PRKRIP1: variants seen among roughly 807,000 people sequenced by gnomAD.
PRKRIP1 encodes the protein PRKR-interacting protein 1.
Under a neutral mutation model 29.3 loss-of-function variants are expected in PRKRIP1, and 29 were observed. The observed-to-expected ratio is 0.99, with a 90% confidence interval of 0.74 to 1.35. The LOEUF (loss-of-function observed/expected upper bound fraction) is 1.35, where lower values mean the gene tolerates loss of function less well. Among genes scored for constraint, PRKRIP1 ranks in the 40% most tolerant of loss-of-function variants. The pLI is 0.00. For synonymous variants in PRKRIP1, 90 were observed against 85.1 expected (o/e 1.06, Z -0.32); for missense variants, 247 against 236.8 (o/e 1.04, Z -0.28).
At chr7:102,417,711 G>A (rs561264728) in intron 5 of PRKRIP1, among the ~76,000 whole-genome samples, 15 of 147,586 alleles carry the variant, frequency 1.0e-4, no homozygotes, top group Admixed American at 6.9e-4. Flanking sequence ...CTCAAACTCC[G>A]GGCTCAAACA....
intron 5 of PRKRIP1, among the ~76,000 whole-genome samples, chr7:102,420,210 A>G (rs1472432406): frequency 1.3e-5 from 2 of 152,268 alleles, no homozygotes; most frequent in South Asian, 2.1e-4. Context: ...TTGTGTGCAC[A>G]TAAGTTTCAC....
chr7:102,398,263 G>A (rs1447629401), intron 2 of PRKRIP1, among the ~76,000 whole-genome samples: 3 of 151,230 alleles, frequency 2.0e-5, no homozygotes, highest in Non-Finnish European at 4.4e-5. Flanking sequence ...GCAGTATTGC[G>A]GTTTTTTTTG....
chr7:102,415,873 G>A (rs1287688806), intron 5 of PRKRIP1, among the ~76,000 whole-genome samples: 9 of 152,236 alleles, frequency 5.9e-5, no homozygotes, highest in African/African-American at 2.2e-4. Flanking sequence ...GGCCCTCACG[G>A]TCTGGCCCCT....
In PRKRIP1 at chr7:102,425,342, G is replaced by A. The variant is rs1796805434; in HGVS notation, c.*231G>A. 5.2e-6 allele frequency: 4 copies of A among 763,026 alleles called. No homozygotes were observed. The highest frequency in any genetic ancestry group is 3.1e-5 in the Admixed American group (1 of 32,696). The allele number at this position is 763,026 out of a possible 1,614,324, so 47.3% of individuals were successfully genotyped here. A position where few individuals can be genotyped will look rare whatever the true frequency, so the allele number is the denominator to read the frequency against. ...CTTGCAGACACCATCCGTGCTCCTG[G>A]TAAAGGGGGACAGAGAGCCTCACCT... On this transcript the variant is annotated 3_prime_UTR_variant, in exon 6 of 6. Transcript: ENST00000397912.
chr7:102,401,559 C>A (rs1007687224), intron 3 of PRKRIP1, among the ~76,000 whole-genome samples: 2 of 152,082 alleles, frequency 1.3e-5, no homozygotes, highest in African/African-American at 4.8e-5. Flanking sequence ...CATGGTGAGA[C>A]CCCATCTCTA....
intron 1 of PRKRIP1, among the ~76,000 whole-genome samples, chr7:102,396,894 A>G (rs1586670589): frequency 1.3e-5 from 2 of 152,314 alleles, no homozygotes; most frequent in East Asian, 1.9e-4. Context: ...TTAGAGAGAC[A>G]GTGGCCGAGA....
At chr7:102,424,800 G>A (rs1796791305) in intron 5 of PRKRIP1, among the ~76,000 whole-genome samples, 1 of 152,148 alleles carries the variant, frequency 6.6e-6, no homozygotes, top group Non-Finnish European at 1.5e-5. Context: ...AAGATGGGGT[G>A]CACCCGTGAG....
At chr7:102,401,059 A>AAAAC (rs782133359) in intron 3 of PRKRIP1, among the ~76,000 whole-genome samples, 1 of 152,210 alleles carries the variant, frequency 6.6e-6, no homozygotes, top group Non-Finnish European at 1.5e-5. Flanking sequence ...GAAATGCACC[A>AAAAC]AAACAAACAA....
chr7:102,400,427 T>G (rs1796034768), intron 3 of PRKRIP1, among the ~76,000 whole-genome samples: 1 of 152,050 alleles, frequency 6.6e-6, no homozygotes, highest in Non-Finnish European at 1.5e-5. Flanking sequence ...TTAAACATGG[T>G]GAGTAAAAGA....
intron 5 of PRKRIP1, chr7:102,423,153 C>T: frequency 4.5e-6 from 2 of 446,532 alleles, no homozygotes; most frequent in Non-Finnish European, 4.5e-6. Context: ...CTGCCTCTGT[C>T]ACCCAGGCTG....
At chr7:102,420,493 GTAAC>G (rs1451966350) in intron 5 of PRKRIP1, among the ~76,000 whole-genome samples, 2 of 152,148 alleles carry the variant, frequency 1.3e-5, no homozygotes, top group Non-Finnish European at 2.9e-5. Flanking sequence ...ATGAAGCATA[GTAAC>G]TAACAGGAAA....
At chr7:102,410,284 C>T (rs1393222799) in intron 5 of PRKRIP1, among the ~76,000 whole-genome samples, 2 of 152,130 alleles carry the variant, frequency 1.3e-5, no homozygotes, top group African/African-American at 2.4e-5. Flanking sequence ...GCTTTTTGGT[C>T]AGTTTCTTGT....
At chr7:102,414,446 A>G (rs1796477169) in intron 5 of PRKRIP1, among the ~76,000 whole-genome samples, 1 of 152,180 alleles carries the variant, frequency 6.6e-6, no homozygotes, top group Non-Finnish European at 1.5e-5. Context: ...TAATTTTTTT[A>G]GTGACTGGTA....
At chr7:102,400,742 T>C (rs563677918) in intron 3 of PRKRIP1, among the ~76,000 whole-genome samples, 2 of 152,258 alleles carry the variant, frequency 1.3e-5, no homozygotes, top group South Asian at 4.1e-4. Context: ...TTCAAGTGGT[T>C]CTCCTGCCTC....
At chr7:102,417,250 T>C (rs1796578160) in intron 5 of PRKRIP1, among the ~76,000 whole-genome samples, 1 of 152,074 alleles carries the variant, frequency 6.6e-6, no homozygotes, top group Admixed American at 6.6e-5. Context: ...GCTGAGGTAG[T>C]GTGGTCAGGT....
Position 102,415,462 on chromosome 7 carries a change from CT to C in PRKRIP1, c.457+7965del, listed in dbSNP as rs575792200. On this transcript the variant is annotated intron_variant, in intron 5 of 5. Coordinates refer to ENST00000397912, the MANE Select transcript of PRKRIP1 (RefSeq NM_024653.4). ...TGTTGGCCAGGCTGGTCTTGAACTC[CT>C]GATTTCAGGTGATTCACCCGCGTTG... Among the ~76,000 whole-genome samples the C allele has an allele frequency of 1.5e-3, 228 of 152,320 alleles. 1 individual carries two copies. The Middle Eastern group carries it at 0.027, about 18-fold the overall frequency.
chr7:102,400,636 A>T (rs1554571075), intron 3 of PRKRIP1, among the ~76,000 whole-genome samples: 1 of 151,794 alleles, frequency 6.6e-6, no homozygotes, highest in Non-Finnish European at 1.5e-5. Context: ...TGTAGATACT[A>T]ACTTTATTTA....
chr7:102,422,701 T>C (rs554408754), intron 5 of PRKRIP1, among the ~76,000 whole-genome samples: 1 of 152,126 alleles, frequency 6.6e-6, no homozygotes, highest in East Asian at 1.9e-4. Context: ...GGTCTCACAC[T>C]CCTGACCTCG....
chr7:102,407,757 CATT>C (rs142853336), intron 5 of PRKRIP1, among the ~76,000 whole-genome samples: 8,141 of 152,188 alleles, frequency 0.053, 273 homozygotes, highest in Non-Finnish European at 0.074. Context: ...AGATCAGTGA[CATT>C]ATTGGTTATT....
Sources: allele counts gnomAD v4.1 joint callset (sites outside exome capture counted in the v4.1 genomes callset), GRCh38; gene constraint gnomAD v4.1.1; transcripts MANE v1.5; gene names NCBI Gene and HGNC (gene_info 2026-07-23, HGNC 2026-07-21).